The following SPTBN4 variants were observed in gnomAD, a reference collection of about 807,000 sequenced individuals.
SPTBN4 encodes spectrin beta chain, non-erythrocytic 4.
In SPTBN4, 96 loss-of-function variants were observed where a neutral mutation model predicts 277.8. The ratio of observed to expected loss-of-function variants is 0.35; its 90% CI spans 0.29 to 0.41. The LOEUF is 0.41. Ranked by LOEUF, SPTBN4 falls within the 10% of genes least tolerant of loss-of-function variation. The pLI is 1.00. For missense variants in SPTBN4, 3,006 were observed against 3,595.7 expected (o/e 0.84, Z 4.19); for synonymous variants, 1,481 against 1,580.3 (o/e 0.94, Z 1.49).
intron 15 of SPTBN4, among the ~76,000 whole-genome samples, chr19:40,517,144 A>C (rs1402842920): frequency 1.3e-5 from 2 of 152,148 alleles, no homozygotes; most frequent in African/African-American, 4.8e-5. Context: ...TCCTGGTAAC[A>C]CTATGAGGTG....
rs374987390 is a variant in SPTBN4, at chr19:40,502,359, C to T, written c.1086-31C>T. The T allele has an allele frequency of 7.8e-5, 126 of 1,608,728 alleles. No homozygotes were observed. The highest frequency in any genetic ancestry group is 1.2e-4 in the Admixed American group (7 of 59,898). ...GGGAGGGTGGGCAGGGGTGGCATGA[C>T]GGCAGGGCTCCTGAGCTCATGCCCC... On this transcript the variant is annotated intron_variant, in intron 9 of 35. Transcript: ENST00000598249. This position sits in a 1 kb window ranked among gnomAD's most constrained non-coding sequence, Gnocchi z 4.9.
chr19:40,473,519 A>G (rs1335244566), intron 2 of SPTBN4, among the ~76,000 whole-genome samples: 2 of 151,622 alleles, frequency 1.3e-5, no homozygotes, highest in African/African-American at 2.4e-5. Context: ...CACCACGCCC[A>G]GCTAATTTTG....
chr19:40,469,909 G>C (rs1047544312), intron 1 of SPTBN4, among the ~76,000 whole-genome samples: 3 of 152,046 alleles, frequency 2.0e-5, no homozygotes, highest in Non-Finnish European at 4.4e-5. Context: ...CTCCCAAAGT[G>C]CTGGGATTAC....
At chr19:40,501,044 C>T (rs952083853) in intron 7 of SPTBN4, among the ~76,000 whole-genome samples, 1 of 151,942 alleles carries the variant, frequency 6.6e-6, no homozygotes, top group Non-Finnish European at 1.5e-5. Flanking sequence ...GGATTATCAA[C>T]TATAGACAGA....
rs965219906 is a variant in SPTBN4, at chr19:40,506,105, C to A, written c.1666-131C>A. 12 of 1,246,858 alleles carry A rather than the reference C, an allele frequency of 9.6e-6. No homozygotes were observed. The African/African-American group carries it at 1.5e-4, about 15-fold the overall frequency. The allele number at this position is 1,246,858 out of a possible 1,614,324, so 77.2% of individuals were successfully genotyped here. ...CTGGTAAGAGAGTCTTGAGGCTGGT[C>A]CATATCTCTCCAAGAGGGTCAGAGT... On this transcript the variant is annotated intron_variant, in intron 12 of 35. Coordinates refer to ENST00000598249, the MANE Select transcript of SPTBN4 (RefSeq NM_020971.3).
intron 2 of SPTBN4, among the ~76,000 whole-genome samples, chr19:40,478,531 C>T (rs1006689824): frequency 2.0e-5 from 3 of 151,946 alleles, no homozygotes; most frequent in African/African-American, 2.4e-5. Context: ...TGAGATCCCA[C>T]CTTAAGAAAT....
intron 15 of SPTBN4, among the ~76,000 whole-genome samples, chr19:40,517,739 T>G (rs1258122868): frequency 6.6e-6 from 1 of 152,200 alleles, no homozygotes; most frequent in East Asian, 1.9e-4. Context: ...GAGATCTATA[T>G]GCCAAGTGCT....
intron 5 of SPTBN4, among the ~76,000 whole-genome samples, chr19:40,493,555 G>A (rs1008911380): frequency 3.3e-5 from 5 of 152,022 alleles, no homozygotes; most frequent in East Asian, 1.9e-4. Context: ...TGTTGTTGTC[G>A]TTGTTGTTTT....
At chr19:40,575,014 C>CA (rs11458145) in intron 35 of SPTBN4, among the ~76,000 whole-genome samples, 30,120 of 89,994 alleles carry the variant, frequency 0.33, 3,932 homozygotes, top group African/African-American at 0.36. Flanking sequence ...GACTCTGTCT[C>CA]AAAAAAAAAA....
intron 20 of SPTBN4, among the ~76,000 whole-genome samples, chr19:40,542,194 T>C (rs899402258): frequency 1.3e-4 from 20 of 152,230 alleles, no homozygotes; most frequent in Admixed American, 1.1e-3. Context: ...AGTTCTGGGA[T>C]TACAGGCATG....
At position 40,494,924 on chromosome 19, in the gene SPTBN4, C is replaced by T. The variant is rs1158486615; in HGVS notation, c.615C>T (p.Phe205=). Residue 205 remains phenylalanine, a synonymous_variant, in exon 6 of 36, where the codon TTC becomes TTT. Coordinates refer to ENST00000598249, the MANE Select transcript of SPTBN4 (RefSeq NM_020971.3). ...AGYPEVNIQN[F]TTSWRDGLAF... is the part of the protein sequence containing the mutation. Reference sequence around the variant, plus strand: ...ACCCTGAGGTAAACATCCAGAATTTCACCACCAGCTGGCGGGATGGCTTGG... The same window carrying T: ...ACCCTGAGGTAAACATCCAGAATTTTACCACCAGCTGGCGGGATGGCTTGG... 8.1e-6 allele frequency: 13 copies of T among 1,614,034 alleles called. No homozygotes were observed. Among genetic ancestry groups the T allele is most frequent in the South Asian group, 1.1e-5 (1 of 91,084 alleles).
rs138247058 is a variant in SPTBN4, at chr19:40,572,085, C to T, written c.7386C>T (p.Gly2462=). The T allele has an allele frequency of 1.6e-3, 2,647 of 1,612,806 alleles. 1 individual carries two copies. Among genetic ancestry groups the T allele is most frequent in the Non-Finnish European group, 2.1e-3 (2,481 of 1,179,380 alleles). Residue 2462 remains glycine (G), a synonymous_variant, in exon 34 of 36, where the codon GGC becomes GGT. Coordinates refer to ENST00000598249, the MANE Select transcript of SPTBN4 (RefSeq NM_020971.3). ...GELGFYKDSK[G]PASGSTHGGE... is the part of the protein sequence containing the mutation. ...TGGGCTTCTACAAGGACTCCAAGGG[C>T]CCGGCATCCGGGAGCACACACGGTG...
chr19:40,566,442 G>A (rs933153972), intron 30 of SPTBN4, 83 bp downstream of exon 30: 54 of 1,269,692 alleles, frequency 4.3e-5, no homozygotes, highest in Non-Finnish European at 5.3e-5. Flanking sequence ...CAGACACACC[G>A]AGACATGGTG....
At position 40,540,478 on chromosome 19, in the gene SPTBN4, A is replaced by G. The variant is rs569027182; in HGVS notation, c.4359+6135A>G. Among the ~76,000 whole-genome samples, 13 of 151,934 alleles carry G rather than the reference A, an allele frequency of 8.6e-5. 1 individual carries two copies. The East Asian group carries it at 2.6e-3, about 30-fold the overall frequency. ...GCTGGTCACAAACTCCTGGGCTCAAACAGTCCTCCTGCCTTAGCCCCTCAA... is the reference window on the plus strand; with the variant it reads ...GCTGGTCACAAACTCCTGGGCTCAAGCAGTCCTCCTGCCTTAGCCCCTCAA... On this transcript the variant is annotated intron_variant, in intron 20 of 35. Coordinates refer to ENST00000598249, the MANE Select transcript of SPTBN4 (RefSeq NM_020971.3).
intron 35 of SPTBN4, among the ~76,000 whole-genome samples, chr19:40,573,898 G>A (rs903129474): frequency 2.6e-5 from 4 of 152,056 alleles, no homozygotes; most frequent in Non-Finnish European, 4.4e-5. Context: ...TCAGGAGATC[G>A]AGACCATCCT....
chr19:40,554,181 G>T lies in SPTBN4; in HGVS notation c.4709G>T (p.Arg1570Leu). 6.9e-7 allele frequency: 1 copy of T among 1,456,912 alleles called. No individual in the cohort carries two copies. Among genetic ancestry groups the T allele is most frequent in the Non-Finnish European group, 8.9e-7 (1 of 1,119,244 alleles). The allele number at this position is 1,456,912 out of a possible 1,614,324, so 90.2% of individuals were successfully genotyped here. Reference protein sequence around the residue: ...LRREIQAHGPRLEEVLERAGA... With the variant: ...LRREIQAHGPLLEEVLERAGA... Reference sequence around the variant, plus strand: ...CGGGAGATCCAGGCGCATGGGCCGCGCCTGGAGGAGGTGCTGGAGCGCGCG... The same window carrying T: ...CGGGAGATCCAGGCGCATGGGCCGCTCCTGGAGGAGGTGCTGGAGCGCGCG... Residue 1570 changes from arginine to leucine, a missense_variant, in exon 23 of 36, where the codon CGC (arginine) becomes CTC (leucine). Around this residue, in one of 5 missense-constraint regions of SPTBN4, gnomAD observed 1,759 missense variants for 2,061.5 expected, o/e 0.85. Transcript: ENST00000598249. The surrounding 1 kb of genome is among the most constrained non-coding windows in gnomAD (Gnocchi z 5.7).
rs1006155465 is a variant in SPTBN4, at chr19:40,502,072, A to G, written c.897+39A>G. ...AGGAGTGGGTGAGTGGGAAGCTGGA[A>G]GCTGGTGGCAGGCACGGGTGGGATG... is the stretch of plus-strand genomic sequence containing the variant. On this transcript the variant is annotated intron_variant, in intron 8 of 35. Coordinates refer to ENST00000598249, the MANE Select transcript of SPTBN4 (RefSeq NM_020971.3). This position sits in a 1 kb window ranked among gnomAD's most constrained non-coding sequence, Gnocchi z 4.9. 10 of 1,613,672 alleles carry G rather than the reference A, an allele frequency of 6.2e-6. No individual in the cohort carries two copies. In the Admixed American group the frequency reaches 6.7e-5, roughly 11 times the overall value.
chr19:40,504,264 G>A, intron 12 of SPTBN4, 132 bp downstream of exon 12: 1 of 973,210 alleles, frequency 1.0e-6, no homozygotes, highest in South Asian at 1.7e-5. Flanking sequence ...GAGAAAGCCA[G>A]GGAGACAAAA....
rs1379919546 is a variant in SPTBN4 at position 40,490,303 on chromosome 19, TC to T, written c.495+59del. The stretch of plus-strand genomic sequence containing the variant: ...CGCAACATGGGACTTAGGAAAGCGT[TC>T]CCCACCATTTACCCATTCATTCTTT... On this transcript the variant is annotated intron_variant, in intron 4 of 35. Coordinates refer to ENST00000598249, the MANE Select transcript of SPTBN4 (RefSeq NM_020971.3). This position sits in a 1 kb window ranked among gnomAD's most constrained non-coding sequence, Gnocchi z 4.3. The T allele has an allele frequency of 9.0e-6, 14 of 1,560,444 alleles. No individual in the cohort carries two copies. The highest frequency in any genetic ancestry group is 1.1e-5 in the Non-Finnish European group (13 of 1,149,526).
Sources: allele counts gnomAD v4.1 joint callset (sites outside exome capture counted in the v4.1 genomes callset), GRCh38; gene constraint gnomAD v4.1.1; regional missense constraint gnomAD v4.1.1; non-coding constraint Gnocchi (gnomAD v3.1); transcripts MANE v1.5; gene names NCBI Gene and HGNC (gene_info 2026-07-23, HGNC 2026-07-21).